The following ROCK1 variants were observed in gnomAD, a reference collection of about 807,000 sequenced individuals.
ROCK1 encodes rho-associated protein kinase 1.
In ROCK1, 36 loss-of-function variants were observed where a neutral mutation model predicts 196.8. The ratio of observed to expected loss-of-function variants is 0.18; its 90% CI spans 0.14 to 0.24. ROCK1 has a LOEUF of 0.24. Among genes scored for constraint, ROCK1 ranks in the 10% least tolerant of loss-of-function variants. ROCK1 has a pLI of 1.00. For missense variants in ROCK1, 920 were observed against 1,562.0 expected, an observed-to-expected ratio of 0.59 and a Z score of 6.93; for synonymous variants, 443 against 515.9, an observed-to-expected ratio of 0.86 and a Z score of 1.91.
chr18:21,039,187 G>A lies in ROCK1; in HGVS notation c.1051+285C>T, dbSNP rs567143279. Among the ~76,000 whole-genome samples the A allele has an allele frequency of 2.5e-3, 380 of 152,082 alleles. 1 individual carries two copies. The highest frequency in any genetic ancestry group is 3.4e-3 in the Non-Finnish European group (229 of 67,976). On this transcript the variant is annotated intron_variant, in intron 9 of 32. Coordinates refer to ENST00000399799, the MANE Select transcript of ROCK1 (RefSeq NM_005406.3). ...CCACCTCCATAATAAGATAACTAAC[G>A]CCTAAAATGAACAATTCAACAAAGA...
In ROCK1 at chr18:20,966,920, G is replaced by A; in HGVS notation, c.3349C>T (p.Pro1117Ser). 2 of 1,608,302 alleles carry A rather than the reference G, an allele frequency of 1.2e-6. No homozygotes were observed. The highest frequency in any genetic ancestry group is 2.2e-5 in the East Asian group (1 of 44,760). The change falls in exon 27 of 33, where the codon CCA becomes TCA. Residue 1117 changes from proline (P) to serine (S), a missense_variant. By Grantham distance (74) the Pro-to-Ser change is moderately conservative. Around this residue, in one of 6 missense-constraint regions of ROCK1, gnomAD observed 116 missense variants for 204.2 expected, o/e 0.57. Transcript: ENST00000399799. ...PSADETDGNLPESRIEGWLSV... is the reference protein window; with the variant it reads ...PSADETDGNLSESRIEGWLSV... ...AATGATACAGAATTATTCTTACCTG[G>A]GAGGTTACCATCAGTTTCATCAGCA...
At chr18:20,996,725 A>C (rs976771638) in intron 16 of ROCK1, among the ~76,000 whole-genome samples, 6 of 152,224 alleles carry the variant, frequency 3.9e-5, no homozygotes, top group Admixed American at 3.3e-4. Context: ...CAAAAATAAC[A>C]ACTATAATAC....
chr18:20,959,153 T>C (rs1598507702), intron 29 of ROCK1, among the ~76,000 whole-genome samples: 1 of 70,470 alleles, frequency 1.4e-5, no homozygotes, highest in Admixed American at 2.6e-4. Flanking sequence ...ATAAAATATA[T>C]ATATTATATA....
intron 1 of ROCK1, among the ~76,000 whole-genome samples, chr18:21,092,580 TAAAAAA>T (rs35799573): frequency 4.9e-5 from 4 of 81,142 alleles, no homozygotes; most frequent in East Asian, 3.3e-4. Context: ...ACCTCATCTT[TAAAAAA>T]AAAAAAAAAA....
In ROCK1 at chr18:21,015,413, T is replaced by A. The variant is rs567356117; in HGVS notation, c.1410+18A>T. 1.1e-5 allele frequency: 16 copies of A among 1,505,326 alleles called. 1 individual carries two copies. In the South Asian group the frequency reaches 1.5e-4, roughly 14 times the overall value. The allele number at this position is 1,505,326 out of a possible 1,614,324, so 93.2% of individuals were successfully genotyped here. On this transcript the variant is annotated intron_variant, in intron 13 of 32. Transcript: ENST00000399799. ...GAAAAATCTCAAAAAGGAAACTTGA[T>A]TAGAAAACAAAAAGTACCTCTTCAT...
chr18:21,038,137 T>C (rs2036072955), intron 9 of ROCK1, among the ~76,000 whole-genome samples: 1 of 152,170 alleles, frequency 6.6e-6, no homozygotes, highest in African/African-American at 2.4e-5. Flanking sequence ...ACTAAGAGAA[T>C]AACCTGAATA....
chr18:21,044,880 G>T (rs551757322), intron 5 of ROCK1, among the ~76,000 whole-genome samples: 1 of 152,040 alleles, frequency 6.6e-6, no homozygotes, highest in South Asian at 2.1e-4. Context: ...CCCCCTTCCT[G>T]ACATAGAATC....
At position 20,984,544 on chromosome 18, in the gene ROCK1, G is replaced by A. The variant is rs878927949; in HGVS notation, c.2305-9C>T. 1 of 1,576,716 alleles carries A rather than the reference G, an allele frequency of 6.3e-7. No individual in the cohort carries two copies. Among genetic ancestry groups the A allele is most frequent in the Non-Finnish European group, 8.6e-7 (1 of 1,166,864 alleles). On this transcript the variant is annotated splice_polypyrimidine_tract_variant and intron_variant, in intron 19 of 32. Coordinates refer to ENST00000399799, the MANE Select transcript of ROCK1 (RefSeq NM_005406.3). ...AGGGTTAGATTCTTAACCTATGAAT[G>A]AGAAAAATAATTGGGATCTTAAATC... is the stretch of plus-strand genomic sequence containing the variant.
chr18:20,967,963 G>T, intron 25 of ROCK1, 23 bp from the exon 26 acceptor site: 1 of 1,445,784 alleles, frequency 6.9e-7, no homozygotes. Flanking sequence ...TATTAATAAA[G>T]ATCAATAGTG....
chr18:21,072,095 G>A (rs2036390422), intron 1 of ROCK1, among the ~76,000 whole-genome samples: 1 of 152,180 alleles, frequency 6.6e-6, no homozygotes, highest in Admixed American at 6.5e-5. Flanking sequence ...AGGTCATGAT[G>A]TTAAACCCTT....
Position 20,949,464 on chromosome 18 carries a change from A to G in ROCK1, c.*1920T>C. 6.6e-6 allele frequency: 1 copy of G among 152,400 alleles called. No individual in the cohort carries two copies. Among genetic ancestry groups the G allele is most frequent in the Non-Finnish European group, 1.5e-5 (1 of 68,132 alleles). The allele number at this position is 152,400 out of a possible 1,614,324, so 9.4% of individuals were successfully genotyped here. A position where few individuals can be genotyped will look rare whatever the true frequency, so the allele number is the denominator to read the frequency against. ...TGCAGAGTGGCCCAGGTGGGTGCTGAGCACACAGTGGGTTTGCATCATAGG... is the reference window on the plus strand; with the variant it reads ...TGCAGAGTGGCCCAGGTGGGTGCTGGGCACACAGTGGGTTTGCATCATAGG... On this transcript the variant is annotated 3_prime_UTR_variant, in exon 33 of 33. Transcript: ENST00000399799.
chr18:21,069,058 G>A (rs955910654), intron 2 of ROCK1, among the ~76,000 whole-genome samples: 26 of 152,198 alleles, frequency 1.7e-4, no homozygotes, highest in South Asian at 4.1e-4. Context: ...AAAAGCATTC[G>A]TCTTAAACAA....
chr18:20,964,723 T>C (rs1455436401), intron 27 of ROCK1, among the ~76,000 whole-genome samples: 4 of 152,176 alleles, frequency 2.6e-5, no homozygotes, highest in Admixed American at 6.6e-5. Context: ...CTAAGAAATA[T>C]ACTGAAAATG....
In ROCK1 at chr18:20,959,079, T is replaced by G. The variant is rs1426955944; in HGVS notation, c.3512+761A>C. ...ATATTATATTTTATATTATATAATA[T>G]ATATATTTTATATAATATATATATT... On this transcript the variant is annotated intron_variant, in intron 29 of 32. Coordinates refer to ENST00000399799, the MANE Select transcript of ROCK1 (RefSeq NM_005406.3). Among the ~76,000 whole-genome samples, 181 of 33,292 alleles carry G rather than the reference T, an allele frequency of 5.4e-3. 3 individuals are homozygous for G. The highest frequency in any genetic ancestry group is 0.013 in the Admixed American group (18 of 1,440). 21.8% of individuals were successfully genotyped at this position (33,292 alleles called of 152,430 possible).
intron 16 of ROCK1, among the ~76,000 whole-genome samples, chr18:21,005,649 G>A (rs1288284339): frequency 6.6e-6 from 1 of 152,156 alleles, no homozygotes; most frequent in Non-Finnish European, 1.5e-5. Context: ...GGTCGAGGTG[G>A]GCGGATCGCT....
At chr18:21,049,643 C>T (rs1227896521) in intron 3 of ROCK1, 137 bp downstream of exon 3, 7 of 615,380 alleles carry the variant, frequency 1.1e-5, no homozygotes, top group Non-Finnish European at 1.9e-5. Flanking sequence ...GCTTCCATAC[C>T]CTCAGGCAAC....
intron 1 of ROCK1, among the ~76,000 whole-genome samples, chr18:21,108,404 A>C (rs2036721828): frequency 6.6e-6 from 1 of 152,024 alleles, no homozygotes; most frequent in Non-Finnish European, 1.5e-5. Context: ...TGTGCAAATG[A>C]CTTCTAAATC....
chr18:21,106,303 T>C (rs1320575256), intron 1 of ROCK1, among the ~76,000 whole-genome samples: 2 of 152,184 alleles, frequency 1.3e-5, no homozygotes, highest in East Asian at 1.9e-4. Context: ...CCAACCATTT[T>C]TGTTTTTCCT....
At chr18:20,980,131 A>AT in intron 21 of ROCK1, 127 bp from the exon 22 acceptor site, 1 of 1,159,234 alleles carries the variant, frequency 8.6e-7, no homozygotes, top group Non-Finnish European at 1.1e-6. Context: ...TACCCATGAC[A>AT]AATGCAAATA....
Sources: gnomAD v4.1 joint callset for allele counts (sites outside exome capture counted in the v4.1 genomes callset) on GRCh38, gnomAD v4.1.1 for gene constraint, gnomAD v4.1.1 regional missense constraint, MANE v1.5 for transcripts, NCBI Gene and HGNC (gene_info 2026-07-23, HGNC 2026-07-21) for gene names.